The following HS3ST5 variants were observed in gnomAD, a reference collection of about 807,000 sequenced individuals.
The protein encoded by HS3ST5 is heparan sulfate glucosamine 3-O-sulfotransferase 5.
In HS3ST5, 10 loss-of-function variants were observed where a neutral mutation model predicts 25.4. The ratio of observed to expected loss-of-function variants is 0.39; its 90% CI spans 0.24 to 0.67. The LOEUF is 0.67. HS3ST5 is among the 30% of genes least tolerant of loss of function. The probability of loss-of-function intolerance (pLI) is 0.44; values close to 1 mark genes in which losing one functional copy is unlikely to be tolerated. For synonymous variants in HS3ST5, 170 were observed against 162.4 expected, an observed-to-expected ratio of 1.05 and a Z score of -0.36; for missense variants, 324 against 420.7, an observed-to-expected ratio of 0.77 and a Z score of 2.01.
At chr6:114,245,110 T>C (rs966714037) in intron 1 of HS3ST5, among the ~76,000 whole-genome samples, 1 of 152,182 alleles carries the variant, frequency 6.6e-6, no homozygotes, top group African/African-American at 2.4e-5. Flanking sequence ...AGAAGATCTA[T>C]ATTGAAAAAG....
intron 3 of HS3ST5, among the ~76,000 whole-genome samples, chr6:114,077,260 G>T (rs1024680149): frequency 6.6e-6 from 1 of 152,166 alleles, no homozygotes; most frequent in Non-Finnish European, 1.5e-5. Flanking sequence ...GTCTCATTTA[G>T]TAGAATGATG....
At chr6:114,085,103 T>G (rs1774725175) in intron 3 of HS3ST5, among the ~76,000 whole-genome samples, 1 of 152,144 alleles carries the variant, frequency 6.6e-6, no homozygotes, top group African/African-American at 2.4e-5. Context: ...GTGAGAAAAT[T>G]TCTTTAAACA....
intron 1 of HS3ST5, among the ~76,000 whole-genome samples, chr6:114,262,430 C>G (rs1773218385): frequency 6.6e-6 from 1 of 151,884 alleles, no homozygotes; most frequent in African/African-American, 2.4e-5. Flanking sequence ...ACCTGTAGTC[C>G]CAGCTACTTG....
intron 2 of HS3ST5, among the ~76,000 whole-genome samples, chr6:114,209,839 G>A (rs1380190879): frequency 6.6e-6 from 1 of 152,178 alleles, no homozygotes; most frequent in Non-Finnish European, 1.5e-5. Context: ...GCTTGTGTAT[G>A]TTGCTGCACA....
At chr6:114,263,245 A>G (rs1392750156) in intron 1 of HS3ST5, among the ~76,000 whole-genome samples, 7 of 152,076 alleles carry the variant, frequency 4.6e-5, no homozygotes, top group Non-Finnish European at 1.0e-4. Flanking sequence ...GTATATTTTT[A>G]AGTAAAATGT....
chr6:114,118,392 G>A (rs1313626602), intron 3 of HS3ST5, among the ~76,000 whole-genome samples: 11 of 152,168 alleles, frequency 7.2e-5, no homozygotes. Context: ...GTCTTTAAGA[G>A]TCTGATGTTC....
intron 3 of HS3ST5, among the ~76,000 whole-genome samples, chr6:114,150,472 T>G (rs1386368504): frequency 6.6e-6 from 1 of 152,200 alleles, no homozygotes; most frequent in Non-Finnish European, 1.5e-5. Flanking sequence ...AGTATTTACT[T>G]CATATATGAG....
In HS3ST5 at chr6:114,057,895, C is replaced by T. The variant is rs767635603; in HGVS notation, c.403G>A (p.Gly135Ser). 4.3e-6 allele frequency: 7 copies of T among 1,613,976 alleles called. No individual in the cohort carries two copies. Among genetic ancestry groups the T allele is most frequent in the Middle Eastern group, 1.6e-4 (1 of 6,084 alleles). The part of the protein sequence containing the change: ...FFDNDENYGK[G>S]IEWYRKKMPF... ...ATCTTTTTCCTATACCACTCAATGC[C>T]CTTACCATAATTCTCATCATTATCA... is the stretch of plus-strand genomic sequence containing the variant. The change falls in exon 5 of 5, where the codon GGC becomes AGC. Residue 135 changes from glycine to serine, a missense_variant. Around this residue, in one of 2 missense-constraint regions of HS3ST5, gnomAD observed 203 missense variants for 303.4 expected, o/e 0.67. Transcript: ENST00000312719.
intron 2 of HS3ST5, among the ~76,000 whole-genome samples, chr6:114,211,536 T>C (rs554351096): frequency 6.6e-6 from 1 of 152,350 alleles, no homozygotes; most frequent in African/African-American, 2.4e-5. Flanking sequence ...ATGATTTTTC[T>C]TTTTAGTAAC....
intron 2 of HS3ST5, chr6:114,220,797 T>C (rs966224805): frequency 2.0e-5 from 3 of 152,016 alleles, no homozygotes; most frequent in Admixed American, 6.6e-5. Flanking sequence ...AAGATCATTC[T>C]CATTTTTTTA....
intron 1 of HS3ST5, among the ~76,000 whole-genome samples, chr6:114,338,303 C>CACATTGTGTGTATATATACATACATAT (rs1554229346): frequency 1.3e-5 from 2 of 150,554 alleles, no homozygotes; most frequent in Non-Finnish European, 3.0e-5. Flanking sequence ...TATATACATA[C>CACATTGTGTGTATATATACATACATAT]ACATTGTGTA....
chr6:114,141,010 T>A (rs986598208), intron 3 of HS3ST5, among the ~76,000 whole-genome samples: 8 of 152,222 alleles, frequency 5.3e-5, no homozygotes, highest in African/African-American at 1.7e-4. Flanking sequence ...CAATAAGTAG[T>A]AACTATTATT....
At chr6:114,065,607 C>G (rs1050191389) in intron 3 of HS3ST5, among the ~76,000 whole-genome samples, 2 of 152,158 alleles carry the variant, frequency 1.3e-5, no homozygotes, top group Admixed American at 1.3e-4. Context: ...GGTGATATTA[C>G]TATATAAAGG....
chr6:114,137,403 T>C (rs1231668160), intron 3 of HS3ST5, among the ~76,000 whole-genome samples: 1 of 152,198 alleles, frequency 6.6e-6, no homozygotes, highest in Non-Finnish European at 1.5e-5. Flanking sequence ...AGATCTTCTG[T>C]AGTCTCAGGT....
At chr6:114,213,304 G>A (rs1176821012) in intron 2 of HS3ST5, among the ~76,000 whole-genome samples, 1 of 144,560 alleles carries the variant, frequency 6.9e-6, no homozygotes, top group African/African-American at 2.6e-5. Context: ...TCTGCTGCCA[G>A]TAGAGCCTGG....
At chr6:114,097,399 C>A (rs1039978533) in intron 3 of HS3ST5, among the ~76,000 whole-genome samples, 1 of 151,812 alleles carries the variant, frequency 6.6e-6, no homozygotes, top group African/African-American at 2.4e-5. Context: ...ACAACTTTTC[C>A]TAGGAACATT....
At chr6:114,070,133 T>C (rs1773725693) in intron 3 of HS3ST5, among the ~76,000 whole-genome samples, 1 of 152,142 alleles carries the variant, frequency 6.6e-6, no homozygotes, top group Non-Finnish European at 1.5e-5. Context: ...AAGTCCATTC[T>C]ATCACTCTCA....
intron 3 of HS3ST5, among the ~76,000 whole-genome samples, chr6:114,068,527 CT>C (rs35686346): frequency 3.3e-5 from 5 of 152,090 alleles, no homozygotes; most frequent in Non-Finnish European, 7.3e-5. Flanking sequence ...GAGATTGTTG[CT>C]TTTGGTCTAG....
At chr6:114,077,691 T>C (rs1774219137) in intron 3 of HS3ST5, among the ~76,000 whole-genome samples, 1 of 152,222 alleles carries the variant, frequency 6.6e-6, no homozygotes, top group African/African-American at 2.4e-5. Flanking sequence ...GTCATATCTG[T>C]TAACAGTTGA....
Sources: gnomAD v4.1 joint callset for allele counts (sites outside exome capture counted in the v4.1 genomes callset) on GRCh38, gnomAD v4.1.1 for gene constraint, gnomAD v4.1.1 regional missense constraint, MANE v1.5 for transcripts, NCBI Gene and HGNC (gene_info 2026-07-23, HGNC 2026-07-21) for gene names.